Variants in CHEK1 observed in about 807,000 individuals in gnomAD.
CHEK1 encodes checkpoint kinase 1, also known as serine/threonine-protein kinase Chk1.
CHEK1 carries 32 observed loss-of-function variants against 60.2 expected under a neutral mutation model. The observed-to-expected ratio is 0.53, with a 90% CI of 0.40 to 0.71. CHEK1 has a LOEUF of 0.71. CHEK1 is among the 30% of genes least tolerant of loss of function. The pLI is 0.00. For missense variants in CHEK1, 399 were observed against 564.6 expected, an observed-to-expected ratio of 0.71 and a Z score of 2.97; for synonymous variants, 179 against 187.2, an observed-to-expected ratio of 0.96 and a Z score of 0.36.
chr11:125,660,211 AT>A, downstream of CHEK1, among the ~76,000 whole-genome samples: 1 of 152,280 alleles, frequency 6.6e-6, no homozygotes. Context: ...TAGAAGTAGA[AT>A]TTTTTGATAG....
intron 11 of CHEK1, among the ~76,000 whole-genome samples, chr11:125,644,939 C>T (rs1253395402): frequency 2.0e-5 from 3 of 152,114 alleles, no homozygotes; most frequent in African/African-American, 4.8e-5. Flanking sequence ...ACCTGGAAGA[C>T]GGAAGTTGCA....
chr11:125,663,098 C>T (rs1024196075), intron 13 of CHEK1, among the ~76,000 whole-genome samples: 5 of 150,534 alleles, frequency 3.3e-5, no homozygotes, highest in African/African-American at 4.9e-5. Context: ...CTTATGTAGT[C>T]GAGATACTAG....
At chr11:125,668,430 G>T (rs527932758) in intron 13 of CHEK1, among the ~76,000 whole-genome samples, 1 of 152,068 alleles carries the variant, frequency 6.6e-6, no homozygotes, top group East Asian at 1.9e-4. Context: ...ATACTCAATT[G>T]TTGATATTTG....
chr11:125,663,255 A>G (rs573244863), intron 13 of CHEK1, among the ~76,000 whole-genome samples: 1 of 152,136 alleles, frequency 6.6e-6, no homozygotes, highest in East Asian at 1.9e-4. Flanking sequence ...TTTTTCTTAT[A>G]TGGATCATGT....
chr11:125,650,490 C>G (rs892099860), intron 11 of CHEK1, among the ~76,000 whole-genome samples: 3 of 124,906 alleles, frequency 2.4e-5, no homozygotes, highest in African/African-American at 9.3e-5. Context: ...GAGCTTTGCT[C>G]TTGTTGCCCA....
chr11:125,639,382 C>CTTTTTT (rs367756024), intron 8 of CHEK1, among the ~76,000 whole-genome samples: 2,792 of 106,276 alleles, frequency 0.026, 113 homozygotes, highest in Non-Finnish European at 0.038. Context: ...ATACTTTTCT[C>CTTTTTT]TTTTTTTTTT....
At chr11:125,644,052 T>A (rs1465942483) in intron 9 of CHEK1, 39 bp from the exon 10 acceptor site, 3 of 1,589,134 alleles carry the variant, frequency 1.9e-6, no homozygotes, top group Non-Finnish European at 1.7e-6. Context: ...TAGATTTTAT[T>A]TTATTAAATG....
downstream of CHEK1, chr11:125,678,438 T>A: frequency 1.0e-6 from 1 of 999,682 alleles, no homozygotes; most frequent in Non-Finnish European, 1.4e-6. Flanking sequence ...ACTGCAGATG[T>A]TGGGAAAAAT....
At position 125,625,735 on chromosome 11, in the gene CHEK1, T is replaced by G; in HGVS notation, c.-298T>G. On this transcript the variant is annotated 5_prime_UTR_variant, in exon 1 of 13. The change creates a new upstream start codon in the 5' untranslated region. Transcript: ENST00000438015. Reference sequence around the variant, plus strand: ...CCTCACACCGGATGCCACTTCATATTTGGGCCCAGAGCTCAATTCGCGCCG... The same window carrying G: ...CCTCACACCGGATGCCACTTCATATGTGGGCCCAGAGCTCAATTCGCGCCG... 1.5e-6 allele frequency: 1 copy of G among 669,036 alleles called. No individual in the cohort carries two copies. The highest frequency in any genetic ancestry group is 2.8e-6 in the Non-Finnish European group (1 of 362,622). The allele number at this position is 669,036 out of a possible 1,614,324, so 41.4% of individuals were successfully genotyped here.
chr11:125,633,323 A>C lies in CHEK1; in HGVS notation c.585A>C (p.Gly195=), dbSNP rs200960815. Residue 195 remains glycine (G), a synonymous_variant, in exon 6 of 13, where the codon GGA becomes GGC. Coordinates refer to ENST00000438015, the MANE Select transcript of CHEK1 (RefSeq NM_001114122.3). Reference sequence around the variant, plus strand: ...AACCAGTTGATGTTTGGTCCTGTGGAATAGTACTTACTGCAATGCTCGCTG... The same window carrying C: ...AACCAGTTGATGTTTGGTCCTGTGGCATAGTACTTACTGCAATGCTCGCTG... ...HAEPVDVWSC[G]IVLTAMLAGE... 5.0e-6 allele frequency: 8 copies of C among 1,586,944 alleles called. No individual in the cohort carries two copies. Among genetic ancestry groups the C allele is most frequent in the African/African-American group, 1.4e-5 (1 of 73,150 alleles).
At chr11:125,644,045 ATTTTAT>A in intron 9 of CHEK1, 40 bp from the exon 10 acceptor site, 1 of 1,585,176 alleles carries the variant, frequency 6.3e-7, no homozygotes, top group Non-Finnish European at 8.6e-7. Context: ...GGCCTGATAG[ATTTTAT>A]TTTATTAAAT....
chr11:125,662,060 CAACTATT>C (rs767296907), downstream of CHEK1, among the ~76,000 whole-genome samples: 11 of 152,188 alleles, frequency 7.2e-5, no homozygotes, highest in Non-Finnish European at 1.5e-4. Flanking sequence ...CCACTTCTGG[CAACTATT>C]AATCTTTTCT....
chr11:125,632,081 CATGCTATAATATTTTTT>C (rs1392084703), intron 5 of CHEK1, among the ~76,000 whole-genome samples: 15 of 152,012 alleles, frequency 9.9e-5, no homozygotes, highest in South Asian at 2.1e-4. Flanking sequence ...AAAATTGCGT[CATGCTATAATATTTTTT>C]ATGCTATAAT....
At chr11:125,664,104 T>C (rs1415829027) in intron 13 of CHEK1, among the ~76,000 whole-genome samples, 1 of 152,188 alleles carries the variant, frequency 6.6e-6, no homozygotes, top group Non-Finnish European at 1.5e-5. Context: ...ACTGTAGCCT[T>C]GCAGTATAGT....
Position 125,643,773 on chromosome 11 carries a change from T to G in CHEK1, c.815-19T>G. 1.3e-6 allele frequency: 2 copies of G among 1,591,150 alleles called. No homozygotes were observed. The highest frequency in any genetic ancestry group is 1.7e-6 in the Non-Finnish European group (2 of 1,164,438). ...TGCATAGAAGACTTGAAAGCATTTGTATTTGTTTTCTTTTTTAGGGGCAAA... is the reference window on the plus strand; with the variant it reads ...TGCATAGAAGACTTGAAAGCATTTGGATTTGTTTTCTTTTTTAGGGGCAAA... On this transcript the variant is annotated intron_variant, in intron 8 of 12. Transcript: ENST00000438015.
chr11:125,661,801 A>G (rs1163076614), downstream of CHEK1, among the ~76,000 whole-genome samples: 1 of 152,010 alleles, frequency 6.6e-6, no homozygotes, highest in Non-Finnish European at 1.5e-5. Context: ...ACAATTGTCT[A>G]TTTTGATAAT....
chr11:125,644,324 A>G (rs1591409354), intron 10 of CHEK1, 56 bp downstream of exon 10: 5 of 1,533,486 alleles, frequency 3.3e-6, no homozygotes, highest in Admixed American at 2.1e-5. Flanking sequence ...TTATTGTCTT[A>G]AAGTCCTTTT....
chr11:125,667,540 AAGAG>A (rs1370183788), intron 13 of CHEK1, among the ~76,000 whole-genome samples: 1 of 152,102 alleles, frequency 6.6e-6, no homozygotes, highest in Non-Finnish European at 1.5e-5. Flanking sequence ...ATCATCAGTA[AAGAG>A]AGAGAGTTTG....
chr11:125,643,193 G>A (rs1449361839), intron 8 of CHEK1: 1 of 152,338 alleles, frequency 6.6e-6, no homozygotes, highest in Non-Finnish European at 1.5e-5. Context: ...TAAGACTGTG[G>A]CCTGGGCCGG....
Sources: gnomAD v4.1 joint callset for allele counts (sites outside exome capture counted in the v4.1 genomes callset) on GRCh38, gnomAD v4.1.1 for gene constraint, MANE v1.5 for transcripts, NCBI Gene and HGNC (gene_info 2026-07-23, HGNC 2026-07-21) for gene names.